Variants in KCMF1 observed in about 807,000 individuals in gnomAD.
The protein encoded by KCMF1 is potassium channel modulatory factor 1.
Under a neutral mutation model 41.1 loss-of-function variants are expected in KCMF1, and 3 were observed. The observed-to-expected ratio is 0.07, with a 90% CI of 0.03 to 0.19. The LOEUF (loss-of-function observed/expected upper bound fraction) is 0.19. Ranked by LOEUF, KCMF1 falls within the 10% of genes least tolerant of loss-of-function variation. KCMF1 has a pLI of 1.00. For synonymous variants in KCMF1, 142 were observed against 164.5 expected (o/e 0.86, Z 1.04); for missense variants, 286 against 488.9 (o/e 0.58, Z 3.91).
chr2:84,982,003 G>A (rs577006869), intron 1 of KCMF1, among the ~76,000 whole-genome samples: 37 of 152,034 alleles, frequency 2.4e-4, no homozygotes, highest in African/African-American at 8.0e-4. Context: ...GGCTGGTCTC[G>A]AACCTCTGAC....
rs1433654951 is a variant in KCMF1, at chr2:85,016,282, G to A, written c.17-11607G>A. On this transcript the variant is annotated intron_variant, in intron 1 of 6. Transcript: ENST00000409785. ...TTTCTCTTGAAGAGTGTGTTTGTAC[G>A]GGTCTCGATACCCCATTTCTCTCTC... Among the ~76,000 whole-genome samples, 4 of 151,956 alleles carry A rather than the reference G, an allele frequency of 2.6e-5. No homozygotes were observed. In the East Asian group the frequency reaches 5.8e-4, roughly 22 times the overall value.
intron 1 of KCMF1, among the ~76,000 whole-genome samples, chr2:85,011,537 A>G (rs975239227): frequency 1.3e-5 from 2 of 152,214 alleles, no homozygotes; most frequent in African/African-American, 4.8e-5. Context: ...AGAATTTAGG[A>G]GTTCAAAGGC....
intron 1 of KCMF1, among the ~76,000 whole-genome samples, chr2:84,978,668 T>G (rs1397281274): frequency 2.0e-5 from 3 of 152,074 alleles, no homozygotes; most frequent in Admixed American, 6.6e-5. Flanking sequence ...TGCCTCAGCT[T>G]CCCAAGTAGC....
intron 1 of KCMF1, among the ~76,000 whole-genome samples, chr2:84,976,690 A>G (rs1290352681): frequency 6.6e-6 from 1 of 151,510 alleles, no homozygotes; most frequent in East Asian, 1.9e-4. Context: ...TCTTTATCTG[A>G]TTTATAATTT....
chr2:84,982,659 A>C (rs1040774348), intron 1 of KCMF1, among the ~76,000 whole-genome samples: 1 of 152,034 alleles, frequency 6.6e-6, no homozygotes, highest in African/African-American at 2.4e-5. Context: ...TTCGCCACCC[A>C]AAGTGCTAGG....
At position 85,046,221 on chromosome 2, in the gene KCMF1, T is replaced by C. The variant is rs1390996664; in HGVS notation, c.544T>C (p.Ser182Pro). 12 of 1,613,354 alleles carry C rather than the reference T, an allele frequency of 7.4e-6. No homozygotes were observed. The highest frequency in any genetic ancestry group is 9.3e-6 in the Non-Finnish European group (11 of 1,179,644). ...TACTAGCAGTTCTACTGGTGGACTTTCTTCTTCTCAGAGTTCATATTCTCC... is the reference window on the plus strand; with the variant it reads ...TACTAGCAGTTCTACTGGTGGACTTCCTTCTTCTCAGAGTTCATATTCTCC... Reference protein sequence around the residue: ...HFTSSSTGGLSSSQSSYSPSN... With the variant: ...HFTSSSTGGLPSSQSSYSPSN... The change falls in exon 5 of 7, where the codon TCT (serine) becomes CCT (proline). Residue 182 changes from serine (S) to proline (P), a missense_variant. By Grantham distance (74) the Ser-to-Pro change is moderately conservative. Around this residue, in one of 2 missense-constraint regions of KCMF1, gnomAD observed 191 missense variants for 279.3 expected, o/e 0.68. Transcript: ENST00000409785.
chr2:84,980,400 C>T (rs187197946), intron 1 of KCMF1, among the ~76,000 whole-genome samples: 6 of 152,262 alleles, frequency 3.9e-5, no homozygotes, highest in Admixed American at 3.9e-4. Flanking sequence ...GATGGAATGT[C>T]TTGAGAGCTG....
chr2:85,014,394 T>C (rs1381830588), intron 1 of KCMF1, among the ~76,000 whole-genome samples: 1 of 152,194 alleles, frequency 6.6e-6, no homozygotes, highest in Non-Finnish European at 1.5e-5. Flanking sequence ...CAACCCTTTA[T>C]CTTAATCACT....
intron 1 of KCMF1, among the ~76,000 whole-genome samples, chr2:85,001,671 C>A (rs1039378983): frequency 6.6e-6 from 1 of 152,132 alleles, no homozygotes; most frequent in African/African-American, 2.4e-5. Context: ...CCATACAGTT[C>A]CAGAATGTCC....
intron 3 of KCMF1, among the ~76,000 whole-genome samples, chr2:85,036,998 C>G (rs534390474): frequency 6.6e-6 from 1 of 151,154 alleles, no homozygotes; most frequent in African/African-American, 2.4e-5. Flanking sequence ...CCATGCCCCC[C>G]CATCCCGCCC....
chr2:85,017,880 G>A (rs541693639), intron 1 of KCMF1, among the ~76,000 whole-genome samples: 7 of 152,136 alleles, frequency 4.6e-5, no homozygotes, highest in Non-Finnish European at 8.8e-5. Flanking sequence ...AAAAGACTAC[G>A]TATTATTTCA....
chr2:85,049,308 A>T, intron 5 of KCMF1, 58 bp from the exon 6 acceptor site: 1 of 1,526,496 alleles, frequency 6.6e-7, no homozygotes. Flanking sequence ...AGTGATCTGT[A>T]GCGTTTTGTT....
intron 1 of KCMF1, among the ~76,000 whole-genome samples, chr2:85,000,841 C>T (rs569456759): frequency 1.4e-5 from 2 of 142,724 alleles, no homozygotes; most frequent in South Asian, 4.4e-4. Flanking sequence ...TGTAGTGGCA[C>T]GATCATAGCT....
At chr2:85,005,716 T>C (rs1469477293) in intron 1 of KCMF1, among the ~76,000 whole-genome samples, 1 of 152,212 alleles carries the variant, frequency 6.6e-6, no homozygotes, top group Non-Finnish European at 1.5e-5. Flanking sequence ...TCACTATGTT[T>C]CCCAGGATGT....
chr2:85,028,014 A>G lies in KCMF1; in HGVS notation c.142A>G (p.Thr48Ala). Residue 48 changes from threonine (T) to alanine (A), a missense_variant, in exon 2 of 7, where the codon ACT becomes GCT. Coordinates refer to ENST00000409785, the MANE Select transcript of KCMF1 (RefSeq NM_020122.5). ...ESGATTTRHT[T>A]DHPMQCILTR... ...TGGTGCAACAACAACAAGGCATACA[A>G]CTGACCACCCAATGCAGTGCATATT... 1 of 1,612,082 alleles carries G rather than the reference A, an allele frequency of 6.2e-7. No individual in the cohort carries two copies. Among genetic ancestry groups the G allele is most frequent in the Non-Finnish European group, 8.5e-7 (1 of 1,178,814 alleles).
At chr2:84,990,632 G>T (rs1438937824) in intron 1 of KCMF1, among the ~76,000 whole-genome samples, 3 of 151,156 alleles carry the variant, frequency 2.0e-5, no homozygotes, top group Non-Finnish European at 4.4e-5. Flanking sequence ...AACACAGGGA[G>T]ACCCTATCTC....
rs1673388617 is a variant in KCMF1, at chr2:84,971,400, G to T, written c.-52G>T. 4 of 1,151,790 alleles carry T rather than the reference G, an allele frequency of 3.5e-6. No individual in the cohort carries two copies. The highest frequency in any genetic ancestry group is 2.2e-6 in the Non-Finnish European group (2 of 927,840). The allele number at this position is 1,151,790 out of a possible 1,614,324, so 71.3% of individuals were successfully genotyped here. On this transcript the variant is annotated 5_prime_UTR_variant, in exon 1 of 7. Coordinates refer to ENST00000409785, the MANE Select transcript of KCMF1 (RefSeq NM_020122.5). ...CGGGCAGCGCCGGGACCCCGCGGGG[G>T]ACACTGCAGCCGGAGCCCGGGAGGG...
intron 1 of KCMF1, among the ~76,000 whole-genome samples, chr2:84,998,960 ATCTATCTG>A (rs759410723): frequency 0.27 from 29,239 of 107,128 alleles, 4,528 homozygotes; most frequent in East Asian, 0.58. Context: ...CTATCTATCT[ATCTATCTG>A]TCTGTCTGTC....
intron 2 of KCMF1, among the ~76,000 whole-genome samples, chr2:85,034,505 T>G (rs1675360528): frequency 6.6e-6 from 1 of 152,192 alleles, no homozygotes. Flanking sequence ...GAGTTGTTTG[T>G]CTCGTTCTCT....
Sources: gnomAD v4.1 joint callset for allele counts (sites outside exome capture counted in the v4.1 genomes callset) on GRCh38, gnomAD v4.1.1 for gene constraint, gnomAD v4.1.1 regional missense constraint, MANE v1.5 for transcripts, NCBI Gene and HGNC (gene_info 2026-07-23, HGNC 2026-07-21) for gene names.